COLQ: variants seen among roughly 807,000 people sequenced by gnomAD.
COLQ encodes the protein acetylcholinesterase collagenic tail peptide.
COLQ carries 48 observed loss-of-function variants against 69.0 expected under a neutral mutation model. That is an observed-to-expected ratio of 0.70 (90% CI 0.55 to 0.88). The LOEUF (loss-of-function observed/expected upper bound fraction) is 0.88. Ranked by LOEUF, COLQ falls within the 40% of genes least tolerant of loss-of-function variation. COLQ has a pLI of 0.00. For synonymous variants in COLQ, 217 were observed against 211.2 expected, an observed-to-expected ratio of 1.03 and a Z score of -0.24; for missense variants, 618 against 594.6, an observed-to-expected ratio of 1.04 and a Z score of -0.41.
chr3:15,498,658 C>G, intron 1 of COLQ: 1 of 1,550,806 alleles, frequency 6.4e-7, no homozygotes, highest in South Asian at 1.2e-5. Context: ...CGTCACGCCT[C>G]TGAGTGCTCC....
rs542898997 is a variant in COLQ at position 15,457,967 on chromosome 3, T to A, written c.954+219A>T. The stretch of plus-strand genomic sequence containing the variant: ...TCTCAACCATATAAAAGTTAGATTT[T>A]AATAAGACAAAGAAAATACCCCAAA... On this transcript the variant is annotated intron_variant, in intron 13 of 16. Transcript: ENST00000383788. 2.6e-5 allele frequency among the ~76,000 whole-genome samples: 4 copies of A among 152,334 alleles called. No individual in the cohort carries two copies. In the East Asian group the frequency reaches 7.7e-4, roughly 29 times the overall value.
chr3:15,453,072 G>A (rs1325861253), intron 16 of COLQ, among the ~76,000 whole-genome samples: 2 of 152,228 alleles, frequency 1.3e-5, no homozygotes, highest in East Asian at 3.9e-4. Context: ...CCATTTTCCT[G>A]AGAACGTTGT....
intron 4 of COLQ, among the ~76,000 whole-genome samples, 154 bp downstream of exon 4, chr3:15,479,184 C>G (rs946374205): frequency 1.3e-5 from 2 of 152,204 alleles, no homozygotes; most frequent in South Asian, 2.1e-4. Flanking sequence ...CCCATATGTG[C>G]TGCAGCAGCC....
chr3:15,520,015 G>A (rs1267635714), intron 1 of COLQ, among the ~76,000 whole-genome samples: 1 of 152,212 alleles, frequency 6.6e-6, no homozygotes, highest in Non-Finnish European at 1.5e-5. Flanking sequence ...CTGTCTCTCA[G>A]AAGTCAGGGA....
chr3:15,474,348 C>G, intron 8 of COLQ, 76 bp from the exon 9 acceptor site: 2 of 1,466,488 alleles, frequency 1.4e-6, no homozygotes, highest in Non-Finnish European at 1.9e-6. Flanking sequence ...AACTGAAAAG[C>G]TCCCTAAACC....
intron 11 of COLQ, among the ~76,000 whole-genome samples, chr3:15,469,151 TG>T (rs1252934657): frequency 3.9e-5 from 6 of 152,178 alleles, no homozygotes; most frequent in Non-Finnish European, 8.8e-5. Context: ...GTCGAAAGCT[TG>T]GGCTCTTTTC....
intron 12 of COLQ, among the ~76,000 whole-genome samples, chr3:15,465,293 G>GACTTTATATTTTTA (rs2062181986): frequency 6.8e-6 from 1 of 146,244 alleles, no homozygotes; most frequent in African/African-American, 2.6e-5. Context: ...TTGAGATGGA[G>GACTTTATATTTTTA]TCTCGCTCTG....
chr3:15,455,104 A>T (rs2062006621), intron 15 of COLQ, among the ~76,000 whole-genome samples: 4 of 152,192 alleles, frequency 2.6e-5, no homozygotes, highest in Non-Finnish European at 5.9e-5. Flanking sequence ...AACCCTTACT[A>T]TATCCAGATA....
chr3:15,490,224 C>T (rs1463931136), intron 1 of COLQ, among the ~76,000 whole-genome samples: 3 of 152,174 alleles, frequency 2.0e-5, no homozygotes, highest in Non-Finnish European at 4.4e-5. Flanking sequence ...AAAGGGAGGG[C>T]CCTGAACCTT....
At chr3:15,462,827 T>C (rs1326138787) in intron 12 of COLQ, among the ~76,000 whole-genome samples, 2 of 152,058 alleles carry the variant, frequency 1.3e-5, no homozygotes, top group African/African-American at 2.4e-5. Context: ...TTTTGTTGGA[T>C]GGACAGAAGG....
intron 1 of COLQ, among the ~76,000 whole-genome samples, chr3:15,510,856 AAAG>A (rs1318232511): frequency 7.4e-6 from 1 of 135,890 alleles, no homozygotes; most frequent in Non-Finnish European, 1.6e-5. Flanking sequence ...GAGAGGAAGG[AAAG>A]AAGGAAGGAA....
intron 12 of COLQ, among the ~76,000 whole-genome samples, chr3:15,461,938 A>G (rs970142860): frequency 6.6e-6 from 1 of 151,816 alleles, no homozygotes; most frequent in East Asian, 1.9e-4. Context: ...TCAGGAACCA[A>G]TTTGGGGGGC....
chr3:15,495,964 A>T (rs2062739846), intron 1 of COLQ, among the ~76,000 whole-genome samples: 2 of 152,184 alleles, frequency 1.3e-5, no homozygotes, highest in Admixed American at 1.3e-4. Flanking sequence ...GTGTTCCAAA[A>T]GCACCTGGGA....
chr3:15,502,425 A>T (rs1575492160), intron 1 of COLQ, among the ~76,000 whole-genome samples: 1 of 149,680 alleles, frequency 6.7e-6, no homozygotes, highest in Admixed American at 6.6e-5. Context: ...TCTTTTATAA[A>T]TTTTTTTTTA....
chr3:15,485,874 C>T (rs967796381), intron 3 of COLQ, among the ~76,000 whole-genome samples: 7 of 152,170 alleles, frequency 4.6e-5, no homozygotes, highest in African/African-American at 1.7e-4. Flanking sequence ...ATGTAGGAGG[C>T]TCACTTAAGC....
intron 10 of COLQ, among the ~76,000 whole-genome samples, chr3:15,471,347 T>C (rs895345136): frequency 7.2e-5 from 11 of 152,356 alleles, no homozygotes; most frequent in Admixed American, 1.3e-4. Flanking sequence ...AATGTACCCA[T>C]TGCAGAATTT....
At chr3:15,452,766 G>T (rs1337838176) in intron 16 of COLQ, among the ~76,000 whole-genome samples, 1 of 152,176 alleles carries the variant, frequency 6.6e-6, no homozygotes, top group African/African-American at 2.4e-5. Flanking sequence ...CTTAGAGTCT[G>T]GGGGAGACTG....
At chr3:15,460,333 GAAAAGCACC>G in intron 12 of COLQ, among the ~76,000 whole-genome samples, 1 of 152,244 alleles carries the variant, frequency 6.6e-6, no homozygotes, top group South Asian at 2.1e-4. Flanking sequence ...CTGGCTGGCA[GAAAAGCACC>G]AGAACAAAAG....
At chr3:15,464,962 T>C (rs2062174922) in intron 12 of COLQ, among the ~76,000 whole-genome samples, 1 of 152,106 alleles carries the variant, frequency 6.6e-6, no homozygotes, top group Non-Finnish European at 1.5e-5. Context: ...GATCACGAGG[T>C]CCGGAGTTCC....
Sources: allele counts gnomAD v4.1 joint callset (sites outside exome capture counted in the v4.1 genomes callset), GRCh38; gene constraint gnomAD v4.1.1; transcripts MANE v1.5; gene names NCBI Gene and HGNC (gene_info 2026-07-23, HGNC 2026-07-21).